TERF1: variants seen among roughly 807,000 people sequenced by gnomAD.
TERF1 encodes telomeric repeat binding factor 1, also known as telomeric repeat-binding factor 1.
In TERF1, 20 loss-of-function variants were observed where a neutral mutation model predicts 55.1. The ratio of observed to expected loss-of-function variants is 0.36; its 90% CI spans 0.26 to 0.53. TERF1 has a LOEUF of 0.53. Ranked by LOEUF, TERF1 falls within the 20% of genes least tolerant of loss-of-function variation. The pLI, the probability that TERF1 is intolerant of heterozygous loss-of-function variation, is 0.91. For synonymous variants in TERF1, 168 were observed against 181.2 expected, an observed-to-expected ratio of 0.93 and a Z score of 0.59; for missense variants, 439 against 535.7, an observed-to-expected ratio of 0.82 and a Z score of 1.78.
Position 73,008,942 on chromosome 8 carries a change from G to C in TERF1, c.56G>C (p.Arg19Thr), listed in dbSNP as rs941755806. 6.2e-7 allele frequency: 1 copy of C among 1,612,960 alleles called. No homozygotes were observed. Among genetic ancestry groups the C allele is most frequent in the Non-Finnish European group, 8.5e-7 (1 of 1,179,706 alleles). ...AGCCCGCGGGGCTGTGCGGATGGTA[G>C]GGATGCCGACCCTACTGAGGAGCAG... ...APSPRGCADG[R>T]DADPTEEQMA... Residue 19 changes from arginine (R) to threonine (T), a missense_variant, in exon 1 of 10, where the codon AGG becomes ACG. Transcript: ENST00000276603.
At chr8:73,037,851 A>AATATATAAATATATATAAT (rs1563472328) in intron 8 of TERF1, among the ~76,000 whole-genome samples, 54 of 103,046 alleles carry the variant, frequency 5.2e-4, no homozygotes, top group South Asian at 2.6e-4. Flanking sequence ...TATAATATAT[A>AATATATAAATATATATAAT]ATATATAAAT....
chr8:73,046,510 T>G lies in TERF1; in HGVS notation c.*373T>G, dbSNP rs56828171. ...AACCCATTAAAATGAATTTCTTTTT[T>G]TTTAAGACAGAGTTTCTCTCTGTTG... On this transcript the variant is annotated 3_prime_UTR_variant, in exon 10 of 10. Transcript: ENST00000276603. The G allele has an allele frequency of 0.016, 2,378 of 153,186 alleles. 59 individuals are homozygous for G. The highest frequency in any genetic ancestry group is 0.055 in the African/African-American group (2,270 of 41,490). 9.5% of individuals were successfully genotyped at this position (153,186 alleles called of 1,614,324 possible).
chr8:73,040,513 T>C (rs56158456), intron 9 of TERF1, among the ~76,000 whole-genome samples: 5,187 of 152,294 alleles, frequency 0.034, 190 homozygotes, highest in African/African-American at 0.096. Context: ...TGCTACCATA[T>C]GTGACCACAG....
chr8:73,031,079 A>T (rs1481079714), intron 7 of TERF1: 2 of 152,252 alleles, frequency 1.3e-5, no homozygotes, highest in East Asian at 3.8e-4. Flanking sequence ...AGAATGATTG[A>T]AGGTGATACA....
intron 7 of TERF1, chr8:73,031,527 A>G (rs1007140014): frequency 1.3e-5 from 2 of 152,258 alleles, no homozygotes; most frequent in African/African-American, 4.8e-5. Flanking sequence ...TTGGATTAAT[A>G]TAATACCAAT....
At chr8:73,013,155 A>G (rs1808350251) in intron 1 of TERF1, among the ~76,000 whole-genome samples, 1 of 152,198 alleles carries the variant, frequency 6.6e-6, no homozygotes, top group South Asian at 2.1e-4. Flanking sequence ...TTTTATATAT[A>G]CACCAACCAA....
chr8:73,009,963 G>A (rs1416154666), intron 1 of TERF1: 1 of 151,924 alleles, frequency 6.6e-6, no homozygotes, highest in African/African-American at 2.4e-5. Context: ...CTCAGGCTCA[G>A]GTATCCTCCC....
chr8:73,040,479 G>A (rs56110231), intron 9 of TERF1, among the ~76,000 whole-genome samples: 10 of 152,134 alleles, frequency 6.6e-5, no homozygotes, highest in African/African-American at 2.4e-4. Context: ...ATTCCCAAAG[G>A]AGAAGAGGGA....
intron 8 of TERF1, among the ~76,000 whole-genome samples, chr8:73,037,571 A>T (rs1809594231): frequency 9.6e-6 from 1 of 104,342 alleles, no homozygotes. Flanking sequence ...AAATATATAT[A>T]TTTTTTATAT....
chr8:73,037,610 T>C (rs1809598696), intron 8 of TERF1, among the ~76,000 whole-genome samples: 1 of 102,738 alleles, frequency 9.7e-6, no homozygotes, highest in South Asian at 2.3e-4. Context: ...CATAAATTTA[T>C]TATATATATT....
At chr8:73,009,522 C>G (rs55653681) in intron 1 of TERF1, 8,123 of 307,340 alleles carry the variant, frequency 0.026, 141 homozygotes, top group South Asian at 0.042. Flanking sequence ...GCGCTTTCTA[C>G]TCAGGTATTC....
Position 73,026,644 on chromosome 8 carries a change from T to A in TERF1, c.775-296T>A, listed in dbSNP as rs537347252. Reference sequence around the variant, plus strand: ...AAAATATCTAGAATTTTTATTTTTTTTTTTTTTCATGCAGCCTTTTCTCTT... The same window carrying A: ...AAAATATCTAGAATTTTTATTTTTTATTTTTTTCATGCAGCCTTTTCTCTT... On this transcript the variant is annotated intron_variant, in intron 5 of 9. Transcript: ENST00000276603. 6.0e-3 allele frequency among the ~76,000 whole-genome samples: 908 copies of A among 152,288 alleles called. 8 individuals carry two copies. The highest frequency in any genetic ancestry group is 0.01 in the Non-Finnish European group (703 of 68,024).
chr8:73,040,451 C>A (rs1244198256), intron 9 of TERF1, among the ~76,000 whole-genome samples: 1 of 152,090 alleles, frequency 6.6e-6, no homozygotes, highest in Non-Finnish European at 1.5e-5. Flanking sequence ...GATTTTATTT[C>A]TTGTTGCTTT....
chr8:73,031,272 A>G (rs997771986), intron 7 of TERF1: 1 of 152,312 alleles, frequency 6.6e-6, no homozygotes, highest in Admixed American at 6.5e-5. Flanking sequence ...GGGGAAAGCT[A>G]GATTTTAGAC....
intron 8 of TERF1, among the ~76,000 whole-genome samples, chr8:73,032,883 T>A (rs1028881997): frequency 6.6e-6 from 1 of 152,048 alleles, no homozygotes; most frequent in Non-Finnish European, 1.5e-5. Flanking sequence ...TTTTTTTTTT[T>A]TATACTTTAA....
At position 73,016,147 on chromosome 8, in the gene TERF1, C is replaced by G. The variant is rs546632881; in HGVS notation, c.415+2157C>G. ...AAAAAAATCAAATGAGATATTTTAC[C>G]TTTTTTTGGAGTAAGTCTTTGAAAT... is the stretch of plus-strand genomic sequence containing the variant. On this transcript the variant is annotated intron_variant, in intron 2 of 9. Transcript: ENST00000276603. Among the ~76,000 whole-genome samples the G allele has an allele frequency of 4.6e-5, 7 of 152,116 alleles. No homozygotes were observed. The East Asian group carries it at 1.2e-3, about 25-fold the overall frequency.
intron 9 of TERF1, among the ~76,000 whole-genome samples, chr8:73,044,000 T>C (rs1429269605): frequency 6.6e-6 from 1 of 152,234 alleles, no homozygotes; most frequent in African/African-American, 2.4e-5. Context: ...ACTATACTTT[T>C]CTGTGGAGTA....
At chr8:73,042,179 A>G (rs1435635204) in intron 9 of TERF1, among the ~76,000 whole-genome samples, 1 of 152,128 alleles carries the variant, frequency 6.6e-6, no homozygotes, top group Non-Finnish European at 1.5e-5. Context: ...TATACATATA[A>G]CTGATCTTTC....
At position 73,016,305 on chromosome 8, in the gene TERF1, C is replaced by T. The variant is rs536530838; in HGVS notation, c.415+2315C>T. The stretch of plus-strand genomic sequence containing the variant: ...GTAGCTACCATATTGGGTTTAGTCT[C>T]CTACCCCACATAGGTTTGACAAGAT... On this transcript the variant is annotated intron_variant, in intron 2 of 9. Coordinates refer to ENST00000276603, the MANE Select transcript of TERF1 (RefSeq NM_017489.3). Among the ~76,000 whole-genome samples the T allele has an allele frequency of 3.8e-4, 22 of 57,900 alleles. No homozygotes were observed. In the East Asian group the frequency reaches 5.3e-3, roughly 14 times the overall value. 38.0% of individuals were successfully genotyped at this position (57,900 alleles called of 152,430 possible). A position where few individuals can be genotyped will look rare whatever the true frequency, so the allele number is the denominator to read the frequency against.
Sources: gnomAD v4.1 joint callset for allele counts (sites outside exome capture counted in the v4.1 genomes callset) on GRCh38, gnomAD v4.1.1 for gene constraint, MANE v1.5 for transcripts, NCBI Gene and HGNC (gene_info 2026-07-23, HGNC 2026-07-21) for gene names.